Variants in BCL2L14 observed in about 807,000 individuals in gnomAD.
BCL2L14 encodes the protein apoptosis facilitator Bcl-2-like protein 14.
A neutral mutation model predicts 35.3 loss-of-function variants in BCL2L14; 27 were observed. That is an observed-to-expected ratio of 0.76 (90% confidence interval 0.56 to 1.05). The LOEUF is 1.05. Among genes scored for constraint, BCL2L14 ranks in the 50% least tolerant of loss-of-function variants. The pLI is 0.00. For synonymous variants in BCL2L14, 139 were observed against 145.9 expected (o/e 0.95, Z 0.34); for missense variants, 377 against 382.6 (o/e 0.99, Z 0.12).
At chr12:12,082,358 C>T (rs1002202278) in intron 2 of BCL2L14, among the ~76,000 whole-genome samples, 4 of 152,254 alleles carry the variant, frequency 2.6e-5, no homozygotes, top group Non-Finnish European at 5.9e-5. Context: ...CTCACCCAGC[C>T]ATGGCTTCTT....
chr12:12,071,675 C>G (rs1481495211), intron 1 of BCL2L14: 1 of 152,224 alleles, frequency 6.6e-6, no homozygotes, highest in Non-Finnish European at 1.5e-5. Flanking sequence ...AGACCCTTCT[C>G]TCTCCTCTCT....
intron 1 of BCL2L14, among the ~76,000 whole-genome samples, chr12:12,073,043 C>G (rs776936580): frequency 6.6e-6 from 1 of 152,048 alleles, no homozygotes; most frequent in Non-Finnish European, 1.5e-5. Context: ...CACACCACCA[C>G]GCCCAGCTAA....
intron 2 of BCL2L14, among the ~76,000 whole-genome samples, chr12:12,061,556 C>A (rs1242362612): frequency 1.3e-5 from 2 of 152,038 alleles, no homozygotes; most frequent in Non-Finnish European, 2.9e-5. Context: ...TTTTGCCTAT[C>A]CACCCCGTGG....
At chr12:12,095,628 A>C in intron 5 of BCL2L14, 1 of 985,398 alleles carries the variant, frequency 1.0e-6, no homozygotes, top group East Asian at 1.1e-4. Flanking sequence ...AGGCCTAGGC[A>C]TTCCTAGGCG....
chr12:12,080,064 G>T (rs758454023), intron 2 of BCL2L14, among the ~76,000 whole-genome samples: 2 of 152,134 alleles, frequency 1.3e-5, no homozygotes, highest in African/African-American at 2.4e-5. Context: ...AATTAGCCGG[G>T]CGTGTTGGCG....
chr12:12,085,606 T>C (rs572083653), intron 2 of BCL2L14, among the ~76,000 whole-genome samples: 3 of 152,220 alleles, frequency 2.0e-5, no homozygotes, highest in African/African-American at 4.8e-5. Context: ...ATGGAAAAGA[T>C]GGCTTTATGA....
upstream of BCL2L14, among the ~76,000 whole-genome samples, chr12:12,069,470 C>CG (rs1948632993): frequency 6.6e-6 from 1 of 151,468 alleles, no homozygotes; most frequent in Admixed American, 6.6e-5. Flanking sequence ...GAGGTGGAGG[C>CG]GGGCAGATCG....
intron 1 of BCL2L14, among the ~76,000 whole-genome samples, chr12:12,075,996 C>G (rs191756493): frequency 7.0e-4 from 106 of 151,150 alleles, no homozygotes; most frequent in Non-Finnish European, 1.1e-3. Flanking sequence ...TTAGTGAGAC[C>G]AAGATTGGTC....
chr12:12,090,954 T>C, intron 4 of BCL2L14, 105 bp downstream of exon 4: 1 of 737,586 alleles, frequency 1.4e-6, no homozygotes, highest in Non-Finnish European at 2.0e-6. Context: ...TTCTAAGTCC[T>C]GGTTTCTACT....
chr12:12,063,825 T>C (rs1803488013), intron 2 of BCL2L14, among the ~76,000 whole-genome samples: 1 of 151,974 alleles, frequency 6.6e-6, no homozygotes, highest in Non-Finnish European at 1.5e-5. Context: ...CTGATGACAT[T>C]GTCTTGTGAA....
At chr12:12,082,577 T>C (rs1948951406) in intron 2 of BCL2L14, among the ~76,000 whole-genome samples, 1 of 152,248 alleles carries the variant, frequency 6.6e-6, no homozygotes, top group African/African-American at 2.4e-5. Flanking sequence ...TTTTCTAAAA[T>C]TTCAAGAGAA....
chr12:12,080,168 G>A (rs1367638012), intron 2 of BCL2L14, among the ~76,000 whole-genome samples: 1 of 151,378 alleles, frequency 6.6e-6, no homozygotes, highest in Non-Finnish European at 1.5e-5. Flanking sequence ...TGGCATCACT[G>A]CACTCCAGCT....
chr12:12,080,077 T>C lies in BCL2L14; in HGVS notation c.433+339T>C, dbSNP rs183637095. Among the ~76,000 whole-genome samples the C allele has an allele frequency of 3.8e-3, 571 of 151,932 alleles. 4 individuals carry two copies. The highest frequency in any genetic ancestry group is 5.2e-3 in the African/African-American group (217 of 41,438). On this transcript the variant is annotated intron_variant, in intron 2 of 5. Transcript: ENST00000308721. ...AAAATTAGCCGGGCGTGTTGGCGGG[T>C]GCCTGTAGTCCCAGCTACTCGGGAG... is the stretch of plus-strand genomic sequence containing the variant.
chr12:12,061,787 C>T (rs1015432195), intron 2 of BCL2L14, among the ~76,000 whole-genome samples: 1 of 152,134 alleles, frequency 6.6e-6, no homozygotes, highest in Admixed American at 6.5e-5. Context: ...TCAGTCAAGC[C>T]CAAATTTCTT....
At chr12:12,065,860 T>C (rs1288466886) in intron 2 of BCL2L14, among the ~76,000 whole-genome samples, 2 of 151,986 alleles carry the variant, frequency 1.3e-5, no homozygotes, top group Middle Eastern at 3.4e-3. Flanking sequence ...GGCACAATCT[T>C]GGCTCACTGC....
intron 3 of BCL2L14, among the ~76,000 whole-genome samples, chr12:12,087,775 T>A (rs576044884): frequency 6.6e-6 from 1 of 152,324 alleles, no homozygotes; most frequent in South Asian, 2.1e-4. Flanking sequence ...TATTATAACA[T>A]TGCTTTAGGG....
chr12:12,053,853 C>G (rs967797366), intron 2 of BCL2L14, among the ~76,000 whole-genome samples: 11 of 152,194 alleles, frequency 7.2e-5, no homozygotes, highest in Non-Finnish European at 1.3e-4. Context: ...ATGAGCCACT[C>G]TTAAGCCAGG....
intron 2 of BCL2L14, among the ~76,000 whole-genome samples, chr12:12,061,432 A>G (rs1332382436): frequency 2.0e-5 from 3 of 152,114 alleles, no homozygotes. Flanking sequence ...CGCCTGCTAC[A>G]GCATGGCCTT....
upstream of BCL2L14, among the ~76,000 whole-genome samples, chr12:12,067,601 G>A (rs1290647343): frequency 6.6e-6 from 1 of 152,144 alleles, no homozygotes; most frequent in Non-Finnish European, 1.5e-5. Context: ...GGGGAGGGCA[G>A]AGAGTTTGTC....
Sources: gnomAD v4.1 joint callset for allele counts (sites outside exome capture counted in the v4.1 genomes callset) on GRCh38, gnomAD v4.1.1 for gene constraint, MANE v1.5 for transcripts, NCBI Gene and HGNC (gene_info 2026-07-23, HGNC 2026-07-21) for gene names.